The following PTPN13 variants were observed in gnomAD, a reference collection of about 807,000 sequenced individuals.
The protein encoded by PTPN13 is protein tyrosine phosphatase non-receptor type 13, also known as tyrosine-protein phosphatase non-receptor type 13.
PTPN13 carries 191 observed loss-of-function variants against 284.0 expected under a neutral mutation model. The ratio of observed to expected loss-of-function variants is 0.67; its 90% CI spans 0.60 to 0.76. The LOEUF is 0.76. Among genes scored for constraint, PTPN13 ranks in the 30% least tolerant of loss-of-function variants. The pLI is 0.00. For synonymous variants in PTPN13, 986 were observed against 1,022.3 expected (o/e 0.96, Z 0.68); for missense variants, 2,797 against 2,939.9 (o/e 0.95, Z 1.12).
chr4:86,811,926 T>C (rs1745251645), intron 47 of PTPN13, among the ~76,000 whole-genome samples: 1 of 152,208 alleles, frequency 6.6e-6, no homozygotes, highest in Non-Finnish European at 1.5e-5. Flanking sequence ...GGAAAACATT[T>C]TGATTGTTAT....
chr4:86,735,516 A>G, intron 14 of PTPN13, 78 bp from the exon 15 acceptor site: 1 of 1,499,580 alleles, frequency 6.7e-7, no homozygotes, highest in Non-Finnish European at 9.0e-7. Context: ...AGCCAAAGCA[A>G]GAACTTTAAG....
At chr4:86,777,375 T>C (rs765546806) in intron 35 of PTPN13, among the ~76,000 whole-genome samples, 1 of 152,190 alleles carries the variant, frequency 6.6e-6, no homozygotes, top group Non-Finnish European at 1.5e-5. Flanking sequence ...TTGCCACGTC[T>C]CTTTCTGTGA....
At chr4:86,622,991 C>T (rs1350821419) in intron 1 of PTPN13, among the ~76,000 whole-genome samples, 1 of 152,268 alleles carries the variant, frequency 6.6e-6, no homozygotes, top group East Asian at 1.9e-4. Flanking sequence ...TTTCTTAGGG[C>T]AAAGAGCATC....
intron 15 of PTPN13, among the ~76,000 whole-genome samples, chr4:86,737,279 TA>T (rs1314753383): frequency 2.6e-5 from 4 of 151,484 alleles, no homozygotes; most frequent in African/African-American, 9.7e-5. Context: ...AAAATAAAAG[TA>T]AAAAATTAGT....
At chr4:86,659,278 G>A (rs1181360360) in intron 2 of PTPN13, among the ~76,000 whole-genome samples, 9 of 151,940 alleles carry the variant, frequency 5.9e-5, no homozygotes, top group Admixed American at 4.6e-4. Flanking sequence ...TTAATAATAT[G>A]TTGTACACTT....
intron 15 of PTPN13, 92 bp downstream of exon 15, chr4:86,735,838 A>G (rs1735431523): frequency 1.8e-6 from 2 of 1,133,010 alleles, no homozygotes; most frequent in African/African-American, 1.6e-5. Context: ...TTCAAGTGCC[A>G]GTAACTGATA....
intron 19 of PTPN13, among the ~76,000 whole-genome samples, chr4:86,751,585 G>A (rs1287816613): frequency 2.0e-5 from 3 of 152,144 alleles, no homozygotes. Context: ...CTCCCAAAGT[G>A]CTGAGATTAC....
chr4:86,686,811 A>G (rs183754279), intron 4 of PTPN13, 36 bp downstream of exon 4: 6 of 1,405,142 alleles, frequency 4.3e-6, no homozygotes, highest in South Asian at 1.3e-5. Context: ...TACTTTTTAC[A>G]TATGTTCAAT....
chr4:86,746,678 A>T (rs905584617), intron 17 of PTPN13, among the ~76,000 whole-genome samples: 1 of 151,880 alleles, frequency 6.6e-6, no homozygotes, highest in Non-Finnish European at 1.5e-5. Flanking sequence ...CGCTCTTGTC[A>T]AAATCTTGTT....
chr4:86,652,051 C>A (rs929837918), intron 2 of PTPN13, among the ~76,000 whole-genome samples: 1 of 152,088 alleles, frequency 6.6e-6, no homozygotes, highest in African/African-American at 2.4e-5. Flanking sequence ...CTGTGAATAG[C>A]CACTGTATTC....
chr4:86,639,847 A>G lies in PTPN13; in HGVS notation c.115+4476A>G, dbSNP rs1196885334. ...AGTATAAAAAAAAAAATGCAACAGT[A>G]AAACACACATTAGAGACCTACTAAA... On this transcript the variant is annotated intron_variant, in intron 2 of 47. Transcript: ENST00000411767. Among the ~76,000 whole-genome samples, 86 of 152,152 alleles carry G rather than the reference A, an allele frequency of 5.7e-4. 1 individual carries two copies.
chr4:86,637,910 T>C (rs1299055006), intron 2 of PTPN13, among the ~76,000 whole-genome samples: 2 of 151,668 alleles, frequency 1.3e-5, no homozygotes, highest in African/African-American at 4.8e-5. Context: ...GCAGACGACA[T>C]GATTGTATAT....
At chr4:86,808,723 C>G (rs1744909676) in intron 45 of PTPN13, among the ~76,000 whole-genome samples, 2 of 152,096 alleles carry the variant, frequency 1.3e-5, no homozygotes, top group African/African-American at 2.4e-5. Context: ...CCACTTAATC[C>G]ACACATTTTT....
chr4:86,723,689 G>A (rs12508339), intron 10 of PTPN13, among the ~76,000 whole-genome samples: 12,407 of 152,036 alleles, frequency 0.082, 646 homozygotes, highest in Non-Finnish European at 0.11. Flanking sequence ...TCCTATGATC[G>A]TGCCTGTTTC....
At chr4:86,681,391 T>C (rs972372885) in intron 3 of PTPN13, among the ~76,000 whole-genome samples, 13 of 152,196 alleles carry the variant, frequency 8.5e-5, no homozygotes, top group African/African-American at 3.1e-4. Flanking sequence ...ATTTTGGTTG[T>C]CATAACTGAG....
intron 2 of PTPN13, among the ~76,000 whole-genome samples, chr4:86,649,982 CTGTTTTGTTT>C (rs569836224): frequency 6.6e-5 from 10 of 152,026 alleles, no homozygotes; most frequent in African/African-American, 1.7e-4. Context: ...ATTTTCATCA[CTGTTTTGTTT>C]TGTTTTGTTT....
rs115231754 is a variant in PTPN13 at position 86,751,082 on chromosome 4, G to T, written c.3124G>T (p.Asp1042Tyr). The T allele has an allele frequency of 5.0e-3, 7,975 of 1,609,738 alleles. 50 individuals are homozygous for T. The highest frequency in any genetic ancestry group is 4.9e-3 in the Non-Finnish European group (5,788 of 1,176,442). ...RSPERRKHES[D>Y]SSSIEDPGQA... The stretch of plus-strand genomic sequence containing the variant: ...TCCTGAAAGGAGGAAACATGAATCA[G>T]ACTCCTCATCCATTGAAGACCCTGG... Residue 1042 changes from aspartate (D) to tyrosine (Y), a missense_variant, in exon 19 of 48, where the codon GAC becomes TAC. Asp to Tyr is a radical substitution (Grantham distance 160). Coordinates refer to ENST00000411767, the MANE Select transcript of PTPN13 (RefSeq NM_080683.3).
At chr4:86,631,793 T>G (rs772799675) in intron 1 of PTPN13, among the ~76,000 whole-genome samples, 4 of 152,120 alleles carry the variant, frequency 2.6e-5, no homozygotes, top group Non-Finnish European at 5.9e-5. Context: ...AAAATTCTAT[T>G]GTGTGAGAAG....
chr4:86,777,993 C>T (rs1199080703), intron 35 of PTPN13, among the ~76,000 whole-genome samples: 1 of 152,214 alleles, frequency 6.6e-6, no homozygotes, highest in Admixed American at 6.5e-5. Flanking sequence ...CTCTTCAGCT[C>T]AGCCTTGAAG....
Sources: allele counts gnomAD v4.1 joint callset (sites outside exome capture counted in the v4.1 genomes callset), GRCh38; gene constraint gnomAD v4.1.1; transcripts MANE v1.5; gene names NCBI Gene and HGNC (gene_info 2026-07-23, HGNC 2026-07-21).